The following GPC5 variants were observed in gnomAD, a reference collection of about 807,000 sequenced individuals.
GPC5 encodes the protein glypican 5, also known as glypican-5.
In GPC5, 47 loss-of-function variants were observed where a neutral mutation model predicts 53.9. That is an observed-to-expected ratio of 0.87 (90% CI 0.69 to 1.11). The LOEUF (loss-of-function observed/expected upper bound fraction) is 1.11, where lower values mean the gene tolerates loss of function less well. GPC5 is among the 50% of genes most tolerant of loss of function. The pLI, the probability that GPC5 is intolerant of heterozygous loss-of-function variation, is 0.00. For missense variants in GPC5, 748 were observed against 713.1 expected (o/e 1.05, Z -0.56); for synonymous variants, 286 against 263.3 (o/e 1.09, Z -0.84).
intron 7 of GPC5, among the ~76,000 whole-genome samples, chr13:92,358,119 C>T (rs1292664934): frequency 6.6e-6 from 1 of 151,730 alleles, no homozygotes; most frequent in Non-Finnish European, 1.5e-5. Flanking sequence ...TTGGTATAGA[C>T]ATTGAGTAAA....
At chr13:91,784,726 G>GAAAAA (rs10644468) in intron 5 of GPC5, among the ~76,000 whole-genome samples, 25,735 of 143,160 alleles carry the variant, frequency 0.18, 2,724 homozygotes, top group Non-Finnish European at 0.23. Flanking sequence ...CTCCATCTCA[G>GAAAAA]AAAAAAAAAA....
intron 4 of GPC5, among the ~76,000 whole-genome samples, chr13:91,754,198 T>G (rs537201485): frequency 6.6e-6 from 1 of 152,192 alleles, no homozygotes; most frequent in East Asian, 1.9e-4. Context: ...TCCAAGAAAC[T>G]TAGATAAAAT....
chr13:92,737,303 G>A (rs1017148645), intron 7 of GPC5, among the ~76,000 whole-genome samples: 3 of 152,012 alleles, frequency 2.0e-5, no homozygotes, highest in African/African-American at 7.2e-5. Context: ...AAAATGCAGA[G>A]GGAAAACTGG....
chr13:91,729,180 C>A (rs373587719), intron 4 of GPC5, among the ~76,000 whole-genome samples: 26 of 152,216 alleles, frequency 1.7e-4, no homozygotes, highest in African/African-American at 6.3e-4. Flanking sequence ...ACATGAAATG[C>A]TAGAAATGGT....
intron 6 of GPC5, among the ~76,000 whole-genome samples, chr13:92,107,321 T>C (rs1257876299): frequency 6.6e-6 from 1 of 152,008 alleles, no homozygotes; most frequent in African/African-American, 2.4e-5. Flanking sequence ...TTCATTCAAA[T>C]TGGCAGTATA....
rs868319685 is a variant in GPC5, at chr13:92,126,206, G to A, written c.1402-18624G>A. Reference sequence around the variant, plus strand: ...CTGACCTTGCGATCCACCCGCCTTGGACTCCCAAAGTGCTGGGATTACAGG... The same window carrying A: ...CTGACCTTGCGATCCACCCGCCTTGAACTCCCAAAGTGCTGGGATTACAGG... On this transcript the variant is annotated intron_variant, in intron 6 of 7. Transcript: ENST00000377067. Among the ~76,000 whole-genome samples, 14 of 152,030 alleles carry A rather than the reference G, an allele frequency of 9.2e-5. No individual in the cohort carries two copies. The South Asian group carries it at 2.3e-3, about 25-fold the overall frequency.
intron 6 of GPC5, among the ~76,000 whole-genome samples, chr13:92,007,952 G>T (rs1183048210): frequency 1.3e-5 from 2 of 151,296 alleles, no homozygotes; most frequent in Admixed American, 6.6e-5. Context: ...TTGGGTGATT[G>T]TTCCCATAGC....
intron 7 of GPC5, among the ~76,000 whole-genome samples, chr13:92,759,002 T>G (rs977117475): frequency 3.4e-5 from 5 of 145,466 alleles, no homozygotes; most frequent in Non-Finnish European, 6.0e-5. Flanking sequence ...CGGTTTTTTT[T>G]TTTTTTTTTT....
At chr13:91,754,112 C>A (rs61967075) in intron 4 of GPC5, among the ~76,000 whole-genome samples, 12,925 of 152,112 alleles carry the variant, frequency 0.085, 856 homozygotes, top group East Asian at 0.32. Flanking sequence ...GAAAACAGAA[C>A]CTCACTTTTG....
At chr13:92,619,243 T>A (rs1884794800) in intron 7 of GPC5, among the ~76,000 whole-genome samples, 2 of 151,992 alleles carry the variant, frequency 1.3e-5, no homozygotes, top group Non-Finnish European at 2.9e-5. Flanking sequence ...CTAATGTGTT[T>A]ATTTTTAAAA....
chr13:91,988,465 A>G (rs2040428472), intron 6 of GPC5, among the ~76,000 whole-genome samples: 1 of 152,206 alleles, frequency 6.6e-6, no homozygotes. Flanking sequence ...ACTTAAACCT[A>G]TTAACTACAC....
At chr13:92,039,380 G>A (rs373135295) in intron 6 of GPC5, among the ~76,000 whole-genome samples, 15 of 152,310 alleles carry the variant, frequency 9.8e-5, no homozygotes, top group African/African-American at 3.4e-4. Context: ...ATAACGTTGG[G>A]ATCGGGAATT....
At chr13:92,663,208 T>C (rs1406473966) in intron 7 of GPC5, among the ~76,000 whole-genome samples, 1 of 152,158 alleles carries the variant, frequency 6.6e-6, no homozygotes, top group Non-Finnish European at 1.5e-5. Flanking sequence ...GAGAATAATT[T>C]TTTTTTAGGC....
chr13:92,593,341 A>C (rs1883773933), intron 7 of GPC5, among the ~76,000 whole-genome samples: 1 of 151,048 alleles, frequency 6.6e-6, no homozygotes, highest in East Asian at 1.9e-4. Flanking sequence ...TGCTGATGAG[A>C]TGCGTATGTA....
intron 7 of GPC5, among the ~76,000 whole-genome samples, chr13:92,478,836 C>G (rs141707341): frequency 6.6e-6 from 1 of 152,138 alleles, no homozygotes; most frequent in Admixed American, 6.6e-5. Context: ...AAATCTTATA[C>G]TCTTGCTTCT....
At chr13:92,268,391 A>C (rs1185800822) in intron 7 of GPC5, among the ~76,000 whole-genome samples, 7 of 151,882 alleles carry the variant, frequency 4.6e-5, no homozygotes, top group Non-Finnish European at 8.8e-5. Context: ...ATATAGGCAC[A>C]GATATATAAC....
intron 7 of GPC5, among the ~76,000 whole-genome samples, chr13:92,671,225 C>A (rs971425904): frequency 6.6e-6 from 1 of 152,090 alleles, no homozygotes; most frequent in Non-Finnish European, 1.5e-5. Context: ...AAAAACATTC[C>A]GAAATAAACA....
intron 5 of GPC5, among the ~76,000 whole-genome samples, chr13:91,808,933 G>A (rs2038267077): frequency 6.6e-6 from 1 of 152,092 alleles, no homozygotes; most frequent in African/African-American, 2.4e-5. Context: ...CACAGAGAAA[G>A]CCCTCAATAT....
chr13:92,808,398 T>C (rs1176200949), intron 7 of GPC5, among the ~76,000 whole-genome samples: 1 of 152,156 alleles, frequency 6.6e-6, no homozygotes, highest in East Asian at 1.9e-4. Flanking sequence ...CAGAGAGTTC[T>C]ATGCATAGGT....
Sources: gnomAD v4.1 joint callset for allele counts (sites outside exome capture counted in the v4.1 genomes callset) on GRCh38, gnomAD v4.1.1 for gene constraint, MANE v1.5 for transcripts, NCBI Gene and HGNC (gene_info 2026-07-23, HGNC 2026-07-21) for gene names.